The following QTGAL variants were observed in gnomAD, a reference collection of about 807,000 sequenced individuals.
The protein encoded by QTGAL is queuosine-tRNA galactosyltransferase.
At chr17:82,998,936 C>A in the QTGAL span, among the ~76,000 whole-genome samples, 1 of 147,706 alleles carries the variant, frequency 6.8e-6, no homozygotes, top group Non-Finnish European at 1.5e-5. Flanking sequence ...CGAGATACCA[C>A]TACATACCTA....
the QTGAL span, among the ~76,000 whole-genome samples, chr17:82,972,691 C>A: frequency 1.5e-5 from 2 of 131,918 alleles, no homozygotes; most frequent in Middle Eastern, 6.8e-3. Context: ...ACTGACCACA[C>A]CACACCACAG....
the QTGAL span, among the ~76,000 whole-genome samples, chr17:82,986,292 C>T: frequency 3.3e-5 from 5 of 152,360 alleles, no homozygotes; most frequent in Middle Eastern, 3.4e-3. Context: ...CCTTGGTAAT[C>T]GTCAACATCT....
chr17:83,016,731 G>A, the QTGAL span, among the ~76,000 whole-genome samples: 10 of 148,762 alleles, frequency 6.7e-5, no homozygotes, highest in African/African-American at 2.5e-4. Flanking sequence ...GAGAAGGGAG[G>A]AGGGAAGAAG....
the QTGAL span, among the ~76,000 whole-genome samples, chr17:82,955,906 C>T: frequency 6.6e-6 from 1 of 151,780 alleles, no homozygotes; most frequent in African/African-American, 2.4e-5. Flanking sequence ...GAACAGAAAA[C>T]CAAACACCGC....
At chr17:83,027,449 T>G in the QTGAL span, among the ~76,000 whole-genome samples, 3 of 152,068 alleles carry the variant, frequency 2.0e-5, no homozygotes, top group African/African-American at 7.2e-5. Context: ...TCCTTCGGGG[T>G]GAGCAAAAGT....
chr17:83,006,357 G>C, the QTGAL span: 7 of 985,342 alleles, frequency 7.1e-6, no homozygotes, highest in East Asian at 1.1e-4. This position sits in a 1 kb window ranked among gnomAD's most constrained non-coding sequence, Gnocchi z 5.8. Context: ...GCTTCTGTTT[G>C]CATTTGTTGT....
the QTGAL span, among the ~76,000 whole-genome samples, chr17:82,993,330 G>C: frequency 6.6e-6 from 1 of 151,946 alleles, no homozygotes; most frequent in Non-Finnish European, 1.5e-5. Context: ...CTTATATTGA[G>C]GGTCTATCTC....
the QTGAL span, among the ~76,000 whole-genome samples, chr17:82,946,230 AAC>A: frequency 2.3e-4 from 35 of 152,376 alleles, no homozygotes; most frequent in East Asian, 2.1e-3. Context: ...CAAGCTGCAA[AAC>A]ACACACACAA....
the QTGAL span, among the ~76,000 whole-genome samples, chr17:82,963,804 G>C: frequency 6.6e-6 from 1 of 152,148 alleles, no homozygotes; most frequent in African/African-American, 2.4e-5. Flanking sequence ...CCTAACATTA[G>C]ATGGTAGTGG....
the QTGAL span, chr17:82,957,596 G>A: frequency 1.4e-6 from 2 of 1,416,454 alleles, no homozygotes; most frequent in South Asian, 2.8e-5. Context: ...CGTTGCCAGT[G>A]GAGTGGACAC....
chr17:83,026,399 C>T, the QTGAL span, among the ~76,000 whole-genome samples: 5 of 152,266 alleles, frequency 3.3e-5, no homozygotes, highest in Non-Finnish European at 2.9e-5. Context: ...GGAGGAAAGA[C>T]GGATGTACAC....
the QTGAL span, among the ~76,000 whole-genome samples, chr17:83,050,977 C>T: frequency 1.3e-5 from 2 of 148,326 alleles, no homozygotes; most frequent in South Asian, 4.3e-4. Flanking sequence ...GAATGTGTGA[C>T]GGCAGACGTG....
chr17:83,033,940 TTTTG>T, the QTGAL span, among the ~76,000 whole-genome samples: 15 of 151,914 alleles, frequency 9.9e-5, no homozygotes, highest in African/African-American at 2.7e-4. Context: ...TTTCTTAGTG[TTTTG>T]TTTGTTTGTT....
At chr17:83,020,685 A>G in the QTGAL span, among the ~76,000 whole-genome samples, 1 of 152,182 alleles carries the variant, frequency 6.6e-6, no homozygotes, top group Non-Finnish European at 1.5e-5. Flanking sequence ...CCATCCGGTC[A>G]TTTCTAAAAC....
the QTGAL span, among the ~76,000 whole-genome samples, chr17:82,975,170 C>G: frequency 3.9e-5 from 2 of 51,934 alleles, no homozygotes; most frequent in Non-Finnish European, 7.5e-5. Context: ...AACGAGGGCC[C>G]CGGGACAGAG....
the QTGAL span, among the ~76,000 whole-genome samples, chr17:82,958,926 T>TGTGTGTGTGTGTACACTGGGGGTGTATG: frequency 8.3e-5 from 1 of 11,978 alleles, no homozygotes; most frequent in African/African-American, 7.9e-4. Flanking sequence ...GGGTGTATGG[T>TGTGTGTGTGTGTACACTGGGGGTGTATG]GTGTGTGTGT....
chr17:82,942,515 C>T, the QTGAL span: 2 of 1,613,486 alleles, frequency 1.2e-6, no homozygotes. Flanking sequence ...ATGTCTTGTT[C>T]CTGAGGGAGG....
chr17:83,036,734 G>A, the QTGAL span, among the ~76,000 whole-genome samples: 1 of 152,170 alleles, frequency 6.6e-6, no homozygotes, highest in Admixed American at 6.5e-5. Context: ...CCTGGGTGCT[G>A]CCCTGTGGGC....
the QTGAL span, among the ~76,000 whole-genome samples, chr17:83,013,595 G>A: frequency 6.6e-6 from 1 of 151,636 alleles, no homozygotes; most frequent in Non-Finnish European, 1.5e-5. Flanking sequence ...GTGTGGGCCA[G>A]ACCCTGCCGT....
Sources: allele counts gnomAD v4.1 joint callset (sites outside exome capture counted in the v4.1 genomes callset), GRCh38; gene constraint gnomAD v4.1.1; non-coding constraint Gnocchi (gnomAD v3.1); transcripts MANE v1.5; gene names NCBI Gene and HGNC (gene_info 2026-07-23, HGNC 2026-07-21).